WDPCP: variants seen among roughly 807,000 people sequenced by gnomAD.
The protein encoded by WDPCP is WD repeat-containing and planar cell polarity effector protein fritz homolog.
Under a neutral mutation model 93.1 loss-of-function variants are expected in WDPCP, and 71 were observed. The observed-to-expected ratio is 0.76, with a 90% CI of 0.63 to 0.93. The LOEUF (loss-of-function observed/expected upper bound fraction) is 0.93. Ranked by LOEUF, WDPCP falls within the 40% of genes least tolerant of loss-of-function variation. WDPCP has a pLI of 0.00. For synonymous variants in WDPCP, 315 were observed against 315.0 expected (o/e 1.00, Z 0.00); for missense variants, 844 against 887.4 (o/e 0.95, Z 0.62).
intron 9 of WDPCP, among the ~76,000 whole-genome samples, chr2:63,418,958 G>T (rs1430347342): frequency 6.6e-6 from 1 of 152,154 alleles, no homozygotes; most frequent in African/African-American, 2.4e-5. Context: ...CCAGCGTCCA[G>T]TGTTTTGTTT....
intron 2 of WDPCP, among the ~76,000 whole-genome samples, chr2:63,692,973 TA>T (rs919002930): frequency 8.5e-5 from 13 of 152,222 alleles, no homozygotes; most frequent in African/African-American, 3.1e-4. Context: ...TTAAAATGTA[TA>T]AATTCATTTA....
chr2:63,724,322 T>C lies in WDPCP; in HGVS notation n.309-73484A>G, dbSNP rs144976449. On this transcript the variant is annotated intron_variant and non_coding_transcript_variant, in intron 2 of 4. Coordinates refer to the WDPCP transcript ENST00000467687. ...AAAAATGGTCTTCAGCCTTTTTTTT[T>C]TCATCTTCTAAACTACTGAAGGGCA... Among the ~76,000 whole-genome samples, 934 of 152,294 alleles carry C rather than the reference T, an allele frequency of 6.1e-3. 15 individuals are homozygous for C. The highest frequency in any genetic ancestry group is 0.021 in the African/African-American group (872 of 41,548).
At chr2:63,250,023 C>T (rs957422742) in intron 14 of WDPCP, among the ~76,000 whole-genome samples, 2 of 152,160 alleles carry the variant, frequency 1.3e-5, no homozygotes, top group Non-Finnish European at 2.9e-5. Flanking sequence ...TTAGCAAGCT[C>T]CGCATATGAT....
intron 14 of WDPCP, among the ~76,000 whole-genome samples, chr2:63,251,081 C>G (rs1680673325): frequency 6.6e-6 from 1 of 152,090 alleles, no homozygotes; most frequent in African/African-American, 2.4e-5. Flanking sequence ...CAAGAATAAA[C>G]TAACCCCAAA....
chr2:63,782,018 C>T (rs967102669), intron 2 of WDPCP, among the ~76,000 whole-genome samples: 17 of 152,260 alleles, frequency 1.1e-4, no homozygotes, highest in Admixed American at 5.2e-4. Flanking sequence ...GAAAGCCTTT[C>T]CTTCCCCTCT....
At chr2:63,615,890 A>T (rs1709667017) in intron 3 of WDPCP, among the ~76,000 whole-genome samples, 1 of 152,216 alleles carries the variant, frequency 6.6e-6, no homozygotes, top group Admixed American at 6.5e-5. Flanking sequence ...GTTTCACCAT[A>T]GAGCTAAATT....
At chr2:63,384,185 A>G (rs1692542966) in intron 10 of WDPCP, among the ~76,000 whole-genome samples, 2 of 152,180 alleles carry the variant, frequency 1.3e-5, no homozygotes, top group Admixed American at 1.3e-4. Flanking sequence ...GACAGTAAAT[A>G]GTAAATAACA....
chr2:63,453,203 G>C (rs1213401098), intron 6 of WDPCP, among the ~76,000 whole-genome samples: 1 of 152,108 alleles, frequency 6.6e-6, no homozygotes, highest in Non-Finnish European at 1.5e-5. Flanking sequence ...ATATGAAAAA[G>C]GGCTAATATC....
At position 63,389,659 on chromosome 2, in the gene WDPCP, G is replaced by T. The variant is rs185886263; in HGVS notation, c.1436-7565C>A. On this transcript the variant is annotated intron_variant, in intron 10 of 17. Transcript: ENST00000272321. ...GCTGTATTCAGGAGACCCATCTCAC[G>T]TGCAGAGACACACATAGGCTCAAAA... Among the ~76,000 whole-genome samples the T allele has an allele frequency of 5.3e-5, 8 of 152,206 alleles. No homozygotes were observed. The East Asian group carries it at 1.5e-3, about 29-fold the overall frequency.
chr2:63,707,640 C>T (rs150585840), intron 2 of WDPCP, among the ~76,000 whole-genome samples: 2,549 of 152,330 alleles, frequency 0.017, 22 homozygotes, highest in African/African-American at 0.018. Context: ...CAAAGTCATT[C>T]TTCGTCCAGC....
intron 14 of WDPCP, among the ~76,000 whole-genome samples, chr2:63,251,161 C>CAAAG (rs1345420041): frequency 2.0e-5 from 3 of 152,136 alleles, no homozygotes; most frequent in Admixed American, 6.6e-5. Flanking sequence ...AAAATCCATA[C>CAAAG]AAAGAATGAA....
intron 14 of WDPCP, among the ~76,000 whole-genome samples, chr2:63,256,531 A>G (rs981179191): frequency 6.6e-6 from 1 of 152,038 alleles, no homozygotes; most frequent in Non-Finnish European, 1.5e-5. Context: ...ACTTTGGAAA[A>G]CTGGAAGTAG....
At chr2:63,483,485 TA>T (rs1700388998) in intron 6 of WDPCP, among the ~76,000 whole-genome samples, 1 of 151,810 alleles carries the variant, frequency 6.6e-6, no homozygotes, top group Non-Finnish European at 1.5e-5. Flanking sequence ...GTTGAGAAGG[TA>T]ACTAAATAGT....
chr2:63,306,116 C>G (rs4602212), intron 13 of WDPCP, among the ~76,000 whole-genome samples: 3 of 152,232 alleles, frequency 2.0e-5, no homozygotes, highest in Admixed American at 6.5e-5. Context: ...AAACACCTCT[C>G]TGCAAATCAA....
chr2:63,602,219 G>C (rs1003639267), intron 3 of WDPCP, among the ~76,000 whole-genome samples: 1 of 152,180 alleles, frequency 6.6e-6, no homozygotes, highest in Non-Finnish European at 1.5e-5. Context: ...AAGAGTGGGA[G>C]TGAAAGTAAA....
intron 12 of WDPCP, among the ~76,000 whole-genome samples, chr2:63,328,296 T>C (rs978096723): frequency 6.6e-6 from 1 of 151,678 alleles, no homozygotes; most frequent in African/African-American, 2.4e-5. Flanking sequence ...AGTGGCAACC[T>C]GCTCGGGTCC....
At chr2:63,273,831 A>G (rs116073445) in intron 13 of WDPCP, among the ~76,000 whole-genome samples, 2 of 149,092 alleles carry the variant, frequency 1.3e-5, no homozygotes, top group Admixed American at 6.7e-5. Context: ...ACACACGCAC[A>G]CACACACACA....
chr2:63,710,851 G>T (rs1052212001), intron 2 of WDPCP, among the ~76,000 whole-genome samples: 2 of 152,126 alleles, frequency 1.3e-5, no homozygotes, highest in African/African-American at 4.8e-5. Context: ...TGTAGAAGGA[G>T]GGATCTCCAC....
intron 10 of WDPCP, among the ~76,000 whole-genome samples, chr2:63,401,953 C>G (rs1009190386): frequency 2.6e-5 from 4 of 152,080 alleles, no homozygotes; most frequent in African/African-American, 7.2e-5. Context: ...TACCATGTTA[C>G]CCAGCAATCC....
Sources: gnomAD v4.1 joint callset for allele counts (sites outside exome capture counted in the v4.1 genomes callset) on GRCh38, gnomAD v4.1.1 for gene constraint, MANE v1.5 for transcripts, NCBI Gene and HGNC (gene_info 2026-07-23, HGNC 2026-07-21) for gene names.